The following KIF13A variants were observed in gnomAD, a reference collection of about 807,000 sequenced individuals.
The protein encoded by KIF13A is kinesin family member 13A.
A neutral mutation model predicts 212.2 loss-of-function variants in KIF13A; 79 were observed. The observed-to-expected ratio is 0.37, with a 90% CI of 0.31 to 0.45. The LOEUF (loss-of-function observed/expected upper bound fraction) is 0.45. Among genes scored for constraint, KIF13A ranks in the 20% least tolerant of loss-of-function variants. The pLI, the probability that KIF13A is intolerant of heterozygous loss-of-function variation, is 1.00. For missense variants in KIF13A, 1,901 were observed against 2,209.0 expected (o/e 0.86, Z 2.79); for synonymous variants, 789 against 808.6 (o/e 0.98, Z 0.41).
intron 3 of KIF13A, among the ~76,000 whole-genome samples, chr6:17,887,583 C>T (rs1034805069): frequency 6.6e-6 from 1 of 152,180 alleles, no homozygotes; most frequent in East Asian, 1.9e-4. Context: ...ACTACATTCT[C>T]CCAGTTTTTT....
rs563356636 is a variant in KIF13A, at chr6:17,837,428, T to C, written c.942+44A>G. The C allele has an allele frequency of 5.1e-5, 69 of 1,356,524 alleles. No individual in the cohort carries two copies. The highest frequency in any genetic ancestry group is 4.1e-4 in the East Asian group (17 of 41,318). The allele number at this position is 1,356,524 out of a possible 1,614,324, so 84.0% of individuals were successfully genotyped here. A position where few individuals can be genotyped will look rare whatever the true frequency, so the allele number is the denominator to read the frequency against. On this transcript the variant is annotated intron_variant, in intron 10 of 38. Transcript: ENST00000259711. The surrounding 1 kb of genome is among the most constrained non-coding windows in gnomAD (Gnocchi z 5.4). Reference sequence around the variant, plus strand: ...CACCTTTACTCTGTCACATCTGGAATAGCCAATTTTTAGTTGGAAAAGAAC... The same window carrying C: ...CACCTTTACTCTGTCACATCTGGAACAGCCAATTTTTAGTTGGAAAAGAAC...
At position 17,926,130 on chromosome 6, in the gene KIF13A, T is replaced by G. The variant is rs1272843756; in HGVS notation, c.147-27950A>C. ...TCATCATGTCCACGGTCCTACTAAT[T>G]CTGAAAAGAAATGCATTGCTTATCT... On this transcript the variant is annotated intron_variant, in intron 2 of 38. Coordinates refer to ENST00000259711, the MANE Select transcript of KIF13A (RefSeq NM_022113.6). The surrounding 1 kb of genome is among the most constrained non-coding windows in gnomAD (Gnocchi z 4.3). 2.0e-5 allele frequency among the ~76,000 whole-genome samples: 3 copies of G among 152,174 alleles called. No homozygotes were observed. The highest frequency in any genetic ancestry group is 4.8e-5 in the African/African-American group (2 of 41,438).
rs1464888326 is a variant in KIF13A at position 17,915,855 on chromosome 6, A to G, written c.147-17675T>C. On this transcript the variant is annotated intron_variant, in intron 2 of 38. Transcript: ENST00000259711. The surrounding 1 kb of genome is among the most constrained non-coding windows in gnomAD (Gnocchi z 4.4). ...CAAGAGCCTATAGTCCCAGCTACCC[A>G]AGAGGCTGAGGTGGTAGGATCATTG... Among the ~76,000 whole-genome samples the G allele has an allele frequency of 6.6e-6, 1 of 151,886 alleles. No individual in the cohort carries two copies. The highest frequency in any genetic ancestry group is 1.5e-5 in the Non-Finnish European group (1 of 67,940).
chr6:17,847,567 C>A (rs769757558), intron 9 of KIF13A, among the ~76,000 whole-genome samples: 27 of 152,132 alleles, frequency 1.8e-4, no homozygotes, highest in Non-Finnish European at 3.2e-4. Flanking sequence ...TTCCTGAATA[C>A]ATTTCCTCTT....
chr6:17,907,231 T>C (rs528822462), intron 2 of KIF13A, among the ~76,000 whole-genome samples: 2 of 152,336 alleles, frequency 1.3e-5, no homozygotes, highest in Admixed American at 6.5e-5. Context: ...GGTATACAGA[T>C]TGCATGACTT....
At position 17,897,286 on chromosome 6, in the gene KIF13A, G is replaced by C. The variant is rs192278266; in HGVS notation, c.159+882C>G. On this transcript the variant is annotated intron_variant, in intron 3 of 38. Transcript: ENST00000259711. The surrounding 1 kb of genome is among the most constrained non-coding windows in gnomAD (Gnocchi z 4.8). ...CCATGCCGTCACCCAACTTGTCTTAGATTCTGACCATATAATTTGTGTAGG... is the reference window on the plus strand; with the variant it reads ...CCATGCCGTCACCCAACTTGTCTTACATTCTGACCATATAATTTGTGTAGG... Among the ~76,000 whole-genome samples, 2 of 152,248 alleles carry C rather than the reference G, an allele frequency of 1.3e-5. No homozygotes were observed. The highest frequency in any genetic ancestry group is 3.9e-4 in the East Asian group (2 of 5,174).
chr6:17,846,004 G>A (rs373178107), intron 9 of KIF13A, among the ~76,000 whole-genome samples: 8 of 140,146 alleles, frequency 5.7e-5, no homozygotes, highest in African/African-American at 1.8e-4. Flanking sequence ...GAAAGCTTAA[G>A]AACATGTCAG....
At chr6:17,927,894 C>A (rs529474513) in intron 2 of KIF13A, among the ~76,000 whole-genome samples, 1 of 152,262 alleles carries the variant, frequency 6.6e-6, no homozygotes, top group South Asian at 2.1e-4. Context: ...CAGAGCAGCA[C>A]CCCCTACACT....
intron 2 of KIF13A, among the ~76,000 whole-genome samples, chr6:17,911,687 G>A (rs1184527860): frequency 2.0e-5 from 2 of 102,478 alleles, no homozygotes; most frequent in African/African-American, 6.5e-5. Flanking sequence ...GCGGGGGGTG[G>A]TTAATGGGTT....
intron 25 of KIF13A, among the ~76,000 whole-genome samples, chr6:17,790,961 G>A (rs574791248): frequency 6.6e-6 from 1 of 152,160 alleles, no homozygotes; most frequent in East Asian, 1.9e-4. Flanking sequence ...GCAAAACAAA[G>A]TAATCACGTT....
rs1772888164 is a variant in KIF13A at position 17,899,663 on chromosome 6, C to A, written c.147-1483G>T. Among the ~76,000 whole-genome samples the A allele has an allele frequency of 6.6e-6, 1 of 152,154 alleles. No individual in the cohort carries two copies. The highest frequency in any genetic ancestry group is 2.4e-5 in the African/African-American group (1 of 41,426). On this transcript the variant is annotated intron_variant, in intron 2 of 38. Coordinates refer to ENST00000259711, the MANE Select transcript of KIF13A (RefSeq NM_022113.6). This position sits in a 1 kb window ranked among gnomAD's most constrained non-coding sequence, Gnocchi z 5.2. ...GTTGAAAGGGAATGAGCCCTTATTG[C>A]CTTATGTCATTCCCTCAGACAGACA...
chr6:17,873,708 C>A (rs778477503), intron 3 of KIF13A, among the ~76,000 whole-genome samples: 5 of 152,046 alleles, frequency 3.3e-5, no homozygotes, highest in African/African-American at 4.8e-5. Context: ...CTGCTTCAGC[C>A]TCCTGAGTAG....
chr6:17,840,627 T>C (rs1766418537), intron 9 of KIF13A, among the ~76,000 whole-genome samples: 1 of 152,062 alleles, frequency 6.6e-6, no homozygotes, highest in African/African-American at 2.4e-5. Flanking sequence ...TCCTCTACTT[T>C]GTGGCAACTA....
chr6:17,978,198 G>A (rs1341362890), intron 2 of KIF13A, among the ~76,000 whole-genome samples: 2 of 152,126 alleles, frequency 1.3e-5, no homozygotes, highest in Admixed American at 6.5e-5. Flanking sequence ...GTCTACAATC[G>A]AATACAAGAA....
At position 17,915,659 on chromosome 6, in the gene KIF13A, G is replaced by T. The variant is rs1230258872; in HGVS notation, c.147-17479C>A. 6.6e-6 allele frequency among the ~76,000 whole-genome samples: 1 copy of T among 152,136 alleles called. No individual in the cohort carries two copies. The highest frequency in any genetic ancestry group is 1.9e-4 in the East Asian group (1 of 5,150). ...AATGTCACATCGAGTTGAATCACCA[G>T]GACAGGAAAATTACAGTTCAGGCCA... On this transcript the variant is annotated intron_variant, in intron 2 of 38. Transcript: ENST00000259711. This position sits in a 1 kb window ranked among gnomAD's most constrained non-coding sequence, Gnocchi z 4.4.
At chr6:17,802,913 A>ATTT (rs58703798) in intron 20 of KIF13A, among the ~76,000 whole-genome samples, 7 of 144,436 alleles carry the variant, frequency 4.8e-5, no homozygotes, top group African/African-American at 1.3e-4. Context: ...TGCCTGGTTA[A>ATTT]TTTTTTTGTG....
At chr6:17,884,993 C>A (rs936967190) in intron 3 of KIF13A, among the ~76,000 whole-genome samples, 2 of 152,188 alleles carry the variant, frequency 1.3e-5, no homozygotes, top group Non-Finnish European at 1.5e-5. Flanking sequence ...ATGTTATGAG[C>A]ACTGAGTCAT....
intron 2 of KIF13A, among the ~76,000 whole-genome samples, chr6:17,927,002 G>A (rs1775551478): frequency 6.6e-6 from 1 of 152,028 alleles, no homozygotes; most frequent in Non-Finnish European, 1.5e-5. Context: ...GCCAGGTGTG[G>A]TGGTGCATGT....
At chr6:17,819,440 G>A (rs1415340557) in intron 16 of KIF13A, among the ~76,000 whole-genome samples, 1 of 152,014 alleles carries the variant, frequency 6.6e-6, no homozygotes, top group African/African-American at 2.4e-5. Context: ...GCATGTGCCT[G>A]TAGTCCCAGC....
Sources: gnomAD v4.1 joint callset for allele counts (sites outside exome capture counted in the v4.1 genomes callset) on GRCh38, gnomAD v4.1.1 for gene constraint, Gnocchi (gnomAD v3.1) non-coding constraint, MANE v1.5 for transcripts, NCBI Gene and HGNC (gene_info 2026-07-23, HGNC 2026-07-21) for gene names.